Variants in PRKCA observed in about 807,000 individuals in gnomAD.
PRKCA encodes protein kinase C alpha.
Under a neutral mutation model 87.0 loss-of-function variants are expected in PRKCA, and 27 were observed. The ratio of observed to expected loss-of-function variants is 0.31; its 90% confidence interval spans 0.23 to 0.43. The LOEUF (loss-of-function observed/expected upper bound fraction) is 0.43, where lower values mean the gene tolerates loss of function less well. PRKCA is among the 20% of genes least tolerant of loss of function. The pLI, the probability that PRKCA is intolerant of heterozygous loss-of-function variation, is 1.00. For missense variants in PRKCA, 518 were observed against 852.3 expected, an observed-to-expected ratio of 0.61 and a Z score of 4.88; for synonymous variants, 329 against 311.1, an observed-to-expected ratio of 1.06 and a Z score of -0.61.
At chr17:66,331,310 T>G (rs1906311390) in intron 2 of PRKCA, among the ~76,000 whole-genome samples, 1 of 152,182 alleles carries the variant, frequency 6.6e-6, no homozygotes, top group African/African-American at 2.4e-5. Flanking sequence ...CAGAACCCCT[T>G]TGTACCTCTC....
intron 2 of PRKCA, among the ~76,000 whole-genome samples, chr17:66,445,570 A>G (rs1165293644): frequency 6.6e-6 from 1 of 152,194 alleles, no homozygotes; most frequent in East Asian, 1.9e-4. Context: ...TTATATATGA[A>G]GAAATGCTAA....
intron 8 of PRKCA, among the ~76,000 whole-genome samples, chr17:66,702,766 G>A (rs1355645798): frequency 1.3e-5 from 2 of 152,096 alleles, no homozygotes; most frequent in African/African-American, 2.4e-5. Flanking sequence ...ATTTCATCAT[G>A]CAAACATCAT....
intron 2 of PRKCA, among the ~76,000 whole-genome samples, chr17:66,441,162 CAAAAAAAAAAAA>C (rs199828612): frequency 3.9e-4 from 42 of 107,164 alleles, no homozygotes; most frequent in Middle Eastern, 4.6e-3. Flanking sequence ...ACTCTGTCTC[CAAAAAAAAAAAA>C]AAAAAAAAAA....
At chr17:66,430,207 C>G (rs938881870) in intron 2 of PRKCA, among the ~76,000 whole-genome samples, 3 of 152,044 alleles carry the variant, frequency 2.0e-5, no homozygotes, top group African/African-American at 2.4e-5. Context: ...GGAGAGAGAA[C>G]AGTCTCCCGC....
chr17:66,641,425 C>T lies in PRKCA; in HGVS notation c.359C>T (p.Ser120Leu). The part of the protein sequence containing the change: ...GSPTFCDHCG[S>L]LLYGLIHQGM... ...CCCACCTTCTGCGATCACTGTGGGT[C>T]ACTGCTCTATGGACTTATCCATCAA... The change falls in exon 4 of 17, where the codon TCA becomes TTA. Residue 120 changes from serine to leucine, a missense_variant. Ser to Leu is a moderately radical substitution (Grantham distance 145, BLOSUM62 -2). Around this residue, in one of 5 missense-constraint regions of PRKCA, gnomAD observed 300 missense variants for 496.8 expected, o/e 0.60. Transcript: ENST00000413366. 1 of 1,612,216 alleles carries T rather than the reference C, an allele frequency of 6.2e-7. No homozygotes were observed. Among genetic ancestry groups the T allele is most frequent in the Non-Finnish European group, 8.5e-7 (1 of 1,178,894 alleles).
chr17:66,534,156 C>A lies in PRKCA; in HGVS notation c.288+37873C>A, dbSNP rs1237641311. On this transcript the variant is annotated intron_variant, in intron 3 of 16. Transcript: ENST00000413366. ...TTCCCAAGTGAAGCTGACCACGATT[C>A]TTTGTTGGAGCCAAGTTTTTGTATT... Among the ~76,000 whole-genome samples the A allele has an allele frequency of 2.0e-5, 3 of 148,996 alleles. No individual in the cohort carries two copies. In the Admixed American group the frequency reaches 2.0e-4, roughly 10 times the overall value.
At chr17:66,528,846 T>A (rs1181397930) in intron 3 of PRKCA, among the ~76,000 whole-genome samples, 1 of 152,212 alleles carries the variant, frequency 6.6e-6, no homozygotes, top group Non-Finnish European at 1.5e-5. Context: ...ATTGGGTGCT[T>A]GTGAGTTTAC....
chr17:66,458,850 T>A (rs1914701245), intron 2 of PRKCA, among the ~76,000 whole-genome samples: 1 of 152,166 alleles, frequency 6.6e-6, no homozygotes, highest in African/African-American at 2.4e-5. Flanking sequence ...ACCTTCCCAG[T>A]ACGTCATTGG....
At chr17:66,431,985 C>T (rs983798203) in intron 2 of PRKCA, among the ~76,000 whole-genome samples, 5 of 152,164 alleles carry the variant, frequency 3.3e-5, no homozygotes, top group African/African-American at 1.2e-4. Flanking sequence ...CTTTCAAGAC[C>T]GTTCCCTTTT....
chr17:66,794,232 T>C (rs1422096443), intron 16 of PRKCA, among the ~76,000 whole-genome samples: 1 of 152,230 alleles, frequency 6.6e-6, no homozygotes, highest in Non-Finnish European at 1.5e-5. Context: ...TTAAGTATTC[T>C]GTTTTTTAAA....
At chr17:66,433,192 C>A (rs115253115) in intron 2 of PRKCA, among the ~76,000 whole-genome samples, 2 of 152,198 alleles carry the variant, frequency 1.3e-5, no homozygotes, top group East Asian at 1.9e-4. Context: ...TTTGGAAGGC[C>A]GTGTATACCT....
chr17:66,645,540 C>T (rs761437984), intron 5 of PRKCA, 29 bp downstream of exon 5: 5 of 1,613,112 alleles, frequency 3.1e-6, no homozygotes, highest in African/African-American at 1.3e-5. Context: ...GGAGCAGCAT[C>T]GTGGGCAGGC....
At chr17:66,764,547 T>C (rs1286359257) in intron 13 of PRKCA, among the ~76,000 whole-genome samples, 1 of 152,232 alleles carries the variant, frequency 6.6e-6, no homozygotes, top group Non-Finnish European at 1.5e-5. Flanking sequence ...CAGCCATTTG[T>C]AACATCCTGA....
intron 13 of PRKCA, among the ~76,000 whole-genome samples, chr17:66,752,449 A>G (rs1240216356): frequency 2.0e-5 from 3 of 152,226 alleles, no homozygotes; most frequent in East Asian, 1.9e-4. Flanking sequence ...ACAAAAAATT[A>G]GCTGGGTGTG....
At chr17:66,675,313 C>T (rs1476527610) in intron 5 of PRKCA, among the ~76,000 whole-genome samples, 1 of 152,166 alleles carries the variant, frequency 6.6e-6, no homozygotes, top group Non-Finnish European at 1.5e-5. Context: ...GCCCTCCTGG[C>T]CTAATCACCT....
chr17:66,430,691 C>T (rs1472482202), intron 2 of PRKCA, among the ~76,000 whole-genome samples: 2 of 152,042 alleles, frequency 1.3e-5, no homozygotes, highest in Non-Finnish European at 2.9e-5. Flanking sequence ...ACTTGCAGGA[C>T]AAGGTTCATT....
Position 66,406,585 on chromosome 17 carries a change from GTTTTTTT to G in PRKCA, c.206-89598_206-89592del, listed in dbSNP as rs71160568. On this transcript the variant is annotated intron_variant, in intron 2 of 16. Transcript: ENST00000413366. The stretch of plus-strand genomic sequence containing the variant: ...TCATGTAGCATTGTAGCTTTTCCAG[GTTTTTTT>G]TTTTTTTTTTTTTTTTTAAATGTCA... Among the ~76,000 whole-genome samples the G allele has an allele frequency of 1.3e-3, 92 of 70,198 alleles. 2 individuals carry two copies. The East Asian group carries it at 0.023, about 18-fold the overall frequency. The allele number at this position is 70,198 out of a possible 152,430, so 46.1% of individuals were successfully genotyped here.
chr17:66,584,937 C>T (rs1380680918), intron 3 of PRKCA, among the ~76,000 whole-genome samples: 1 of 152,034 alleles, frequency 6.6e-6, no homozygotes, highest in Non-Finnish European at 1.5e-5. Flanking sequence ...ATCAAGGACA[C>T]TGACACACAA....
chr17:66,570,280 G>A (rs73993880), intron 3 of PRKCA, among the ~76,000 whole-genome samples: 1,527 of 152,244 alleles, frequency 0.01, 29 homozygotes, highest in African/African-American at 0.034. Context: ...CCATTCTGAC[G>A]ATGGACGGGT....
Sources: allele counts gnomAD v4.1 joint callset (sites outside exome capture counted in the v4.1 genomes callset), GRCh38; gene constraint gnomAD v4.1.1; regional missense constraint gnomAD v4.1.1; transcripts MANE v1.5; gene names NCBI Gene and HGNC (gene_info 2026-07-23, HGNC 2026-07-21).